The following LINC00632 variants were observed in gnomAD, a reference collection of about 807,000 sequenced individuals.
LINC00632 encodes long independently transcribed non-coding RNA 632, also known as ALDOA related specific transcript.
chrX:140,729,247 C>T (rs1323956883), intron 2 of LINC00632, among the ~76,000 whole-genome samples: 1 of 110,299 alleles, frequency 9.1e-6, no homozygotes, highest in South Asian at 3.9e-4. Flanking sequence ...CAAGACACAC[C>T]TCATATCACA....
intron 3 of LINC00632, among the ~76,000 whole-genome samples, chrX:140,754,970 G>C (rs1931469686): frequency 1.8e-5 from 2 of 111,297 alleles, no homozygotes; most frequent in Admixed American, 9.6e-5. Flanking sequence ...AAGAAGGGAA[G>C]CTGCTCCTTT....
chrX:140,730,907 TC>T (rs201206986), intron 2 of LINC00632, among the ~76,000 whole-genome samples: 6 of 110,171 alleles, frequency 5.4e-5, no homozygotes, highest in African/African-American at 2.0e-4. Context: ...TTTCTTTCTT[TC>T]TTTTTTTTTT....
At chrX:140,733,178 T>A (rs898379506) in intron 2 of LINC00632, among the ~76,000 whole-genome samples, 8 of 112,641 alleles carry the variant, frequency 7.1e-5, no homozygotes, top group Non-Finnish European at 1.5e-4. Context: ...CAGAAGGATC[T>A]CTAAAAGATT....
chrX:140,728,612 T>C (rs1931006004), intron 2 of LINC00632, among the ~76,000 whole-genome samples: 1 of 111,280 alleles, frequency 9.0e-6, no homozygotes, highest in Non-Finnish European at 1.9e-5. Flanking sequence ...CAGCCTACAG[T>C]GTACTTACCC....
At chrX:140,740,326 G>A (rs1275864051) in intron 3 of LINC00632, among the ~76,000 whole-genome samples, 1 of 111,683 alleles carries the variant, frequency 9.0e-6, no homozygotes, top group East Asian at 2.8e-4. Flanking sequence ...TGACTGAAGG[G>A]TCTAAGAAGG....
At chrX:140,766,658 G>T (rs1011703088) in intron 3 of LINC00632, among the ~76,000 whole-genome samples, 4 of 111,854 alleles carry the variant, frequency 3.6e-5, no homozygotes, top group African/African-American at 1.3e-4. Context: ...CTACATAGAA[G>T]TCTCCAGTAA....
exon 5 of LINC00632, among the ~76,000 whole-genome samples, chrX:140,790,568 T>TAA (rs1932093703): frequency 9.0e-6 from 1 of 111,004 alleles, no homozygotes; most frequent in Non-Finnish European, 1.9e-5. Flanking sequence ...ATTTTAAAAT[T>TAA]AACTCATGAA....
chrX:140,745,952 C>T (rs1373605874), intron 3 of LINC00632, among the ~76,000 whole-genome samples: 1 of 111,811 alleles, frequency 8.9e-6, no homozygotes, highest in East Asian at 2.8e-4. Context: ...TCTCTCTTCA[C>T]GCCTCCCTCC....
chrX:140,776,386 A>T (rs190095599), exon 5 of LINC00632, among the ~76,000 whole-genome samples: 175 of 112,816 alleles, frequency 1.6e-3, no homozygotes, highest in Non-Finnish European at 2.9e-3. Flanking sequence ...CGTGAGTAGC[A>T]GAGCAGATTC....
chrX:140,761,745 C>T (rs1931597795), intron 3 of LINC00632, among the ~76,000 whole-genome samples: 1 of 112,159 alleles, frequency 8.9e-6, no homozygotes, highest in Admixed American at 9.5e-5. Context: ...TTAATTAAAC[C>T]TTTAGCTAAA....
At chrX:140,783,504 C>T in exon 5 of LINC00632, 4 of 1,010,495 alleles carry the variant, frequency 4.0e-6, no homozygotes, top group Non-Finnish European at 4.1e-6. Context: ...TCCAGCTAAT[C>T]CATGTCTTCC....
At chrX:140,762,206 GAA>G (rs1169260313) in intron 3 of LINC00632, among the ~76,000 whole-genome samples, 3 of 32,578 alleles carry the variant, frequency 9.2e-5, no homozygotes, top group South Asian at 3.2e-3. Flanking sequence ...TCAGTTTTTC[GAA>G]AAGAGAGAGA....
At chrX:140,775,549 C>T (rs189501136) in exon 5 of LINC00632, among the ~76,000 whole-genome samples, 19 of 111,980 alleles carry the variant, frequency 1.7e-4, no homozygotes, top group African/African-American at 5.2e-4. Flanking sequence ...CAAATAACAT[C>T]GCTGTTGTTT....
exon 5 of LINC00632, among the ~76,000 whole-genome samples, chrX:140,778,628 A>G (rs1304244598): frequency 1.8e-5 from 2 of 109,930 alleles, no homozygotes; most frequent in African/African-American, 6.6e-5. Context: ...GAAAAAAAAA[A>G]AAAAAAAGAA....
At chrX:140,733,826 CTAGTGT>C (rs1931100077) in intron 2 of LINC00632, 1 of 112,446 alleles carries the variant, frequency 8.9e-6, no homozygotes, top group Non-Finnish European at 1.9e-5. Flanking sequence ...ATATTTCCTG[CTAGTGT>C]GGTTTGTTGT....
intron 1 of LINC00632, chrX:140,711,549 G>T: frequency 3.8e-6 from 1 of 262,234 alleles, no homozygotes; most frequent in Admixed American, 5.1e-5. Context: ...CATTATTTTT[G>T]CTGTTATAAA....
At chrX:140,748,822 A>C (rs1931366848) in intron 3 of LINC00632, among the ~76,000 whole-genome samples, 1 of 106,016 alleles carries the variant, frequency 9.4e-6, no homozygotes, top group African/African-American at 3.4e-5. Flanking sequence ...TATCTATGAT[A>C]TATTTTATCT....
chrX:140,762,242 A>AGGGAGAGAGAGAGC (rs1286418753), intron 3 of LINC00632, among the ~76,000 whole-genome samples: 1 of 99,793 alleles, frequency 1.0e-5, no homozygotes, highest in African/African-American at 3.8e-5. Context: ...AGAGAGAGAG[A>AGGGAGAGAGAGAGC]GCACTCTTAT....
At chrX:140,713,951 C>A (rs1196714612) in intron 2 of LINC00632, 1 of 261,641 alleles carries the variant, frequency 3.8e-6, no homozygotes, top group Non-Finnish European at 7.2e-6. Flanking sequence ...CCATAGAACA[C>A]GGCTTCCCCG....
Sources: allele counts gnomAD v4.1 joint callset (sites outside exome capture counted in the v4.1 genomes callset), GRCh38; gene constraint gnomAD v4.1.1; transcripts MANE v1.5; gene names NCBI Gene and HGNC (gene_info 2026-07-23, HGNC 2026-07-21).